The following COMMD10 variants were observed in gnomAD, a reference collection of about 807,000 sequenced individuals.
COMMD10 encodes COMM domain-containing protein 10.
COMMD10 carries 33 observed loss-of-function variants against 28.9 expected under a neutral mutation model. That is an observed-to-expected ratio of 1.14 (90% CI 0.87 to 1.53). COMMD10 has a LOEUF of 1.53. COMMD10 is among the 40% of genes most tolerant of loss of function. The pLI is 0.00. For synonymous variants in COMMD10, 110 were observed against 81.7 expected, an observed-to-expected ratio of 1.35 and a Z score of -1.87; for missense variants, 310 against 233.4, an observed-to-expected ratio of 1.33 and a Z score of -2.14.
chr5:116,119,752 C>T (rs1751362095), intron 4 of COMMD10, among the ~76,000 whole-genome samples: 1 of 152,020 alleles, frequency 6.6e-6, no homozygotes, highest in Non-Finnish European at 1.5e-5. Context: ...ACTAGGACTA[C>T]AGGTGTATGC....
intron 5 of COMMD10, among the ~76,000 whole-genome samples, chr5:116,142,734 T>C (rs1397941639): frequency 2.0e-5 from 3 of 151,762 alleles, no homozygotes; most frequent in Admixed American, 6.6e-5. Flanking sequence ...TGTATTACTT[T>C]AGTGCACAAA....
At chr5:116,221,392 C>G (rs1749251746) in intron 5 of COMMD10, among the ~76,000 whole-genome samples, 1 of 152,170 alleles carries the variant, frequency 6.6e-6, no homozygotes. Context: ...TTCTGTGTTA[C>G]AAACCCTGCT....
At chr5:116,267,159 C>A (rs1421447802) in intron 5 of COMMD10, among the ~76,000 whole-genome samples, 2 of 151,852 alleles carry the variant, frequency 1.3e-5, no homozygotes, top group South Asian at 4.1e-4. Context: ...GTCAAATGGT[C>A]CCTGTTTGCA....
At chr5:116,104,389 A>G (rs567000766) in intron 4 of COMMD10, among the ~76,000 whole-genome samples, 2 of 151,956 alleles carry the variant, frequency 1.3e-5, no homozygotes, top group Admixed American at 1.3e-4. Context: ...ATTCCTAGGT[A>G]TTGTATCCTT....
In COMMD10 at chr5:116,197,312, T is replaced by C. The variant is rs1183249794; in HGVS notation, c.510+63134T>C. Among the ~76,000 whole-genome samples, 4 of 152,184 alleles carry C rather than the reference T, an allele frequency of 2.6e-5. No homozygotes were observed. The East Asian group carries it at 7.7e-4, about 29-fold the overall frequency. On this transcript the variant is annotated intron_variant, in intron 5 of 6. Coordinates refer to ENST00000274458, the MANE Select transcript of COMMD10 (RefSeq NM_016144.4). ...TTTGCAAAATGTCATTGTATTAATA[T>C]TTTACGCAAACAATACATGAAATTA... is the stretch of plus-strand genomic sequence containing the variant.
intron 5 of COMMD10, among the ~76,000 whole-genome samples, chr5:116,150,937 G>A (rs1752503963): frequency 6.6e-6 from 1 of 151,834 alleles, no homozygotes; most frequent in African/African-American, 2.4e-5. Context: ...TCTTGTGCTA[G>A]TGTTCAAAGT....
intron 4 of COMMD10, among the ~76,000 whole-genome samples, chr5:116,104,857 G>A (rs1342922648): frequency 6.6e-6 from 1 of 152,196 alleles, no homozygotes; most frequent in African/African-American, 2.4e-5. Context: ...CTGACCTCGT[G>A]ATCCGTCCGC....
Position 116,246,647 on chromosome 5 carries a change from C to A in COMMD10, c.511-44870C>A, listed in dbSNP as rs529925997. 4.0e-5 allele frequency among the ~76,000 whole-genome samples: 6 copies of A among 151,808 alleles called. No homozygotes were observed. The East Asian group carries it at 1.2e-3, about 29-fold the overall frequency. On this transcript the variant is annotated intron_variant, in intron 5 of 6. Transcript: ENST00000274458. Reference sequence around the variant, plus strand: ...TATTAGTACAAAAAAAGACACATAGCCTAATGGAACAGAATAGAGAACCCA... The same window carrying A: ...TATTAGTACAAAAAAAGACACATAGACTAATGGAACAGAATAGAGAACCCA...
intron 5 of COMMD10, among the ~76,000 whole-genome samples, chr5:116,278,197 G>T (rs1434796444): frequency 6.6e-6 from 1 of 151,666 alleles, no homozygotes; most frequent in South Asian, 2.1e-4. Flanking sequence ...ATTGAGTACA[G>T]AAAAAGCTCC....
rs1751404336 is a variant in COMMD10, at chr5:116,292,756, T to C, written c.*267T>C. On this transcript the variant is annotated 3_prime_UTR_variant, in exon 7 of 7. Coordinates refer to ENST00000274458, the MANE Select transcript of COMMD10 (RefSeq NM_016144.4). ...GGAAACAAAAGTGAATACCATATTG[T>C]TTTTACTGTCATAGTGTTGCTTTCT... 1 of 410,654 alleles carries C rather than the reference T, an allele frequency of 2.4e-6. No individual in the cohort carries two copies. The highest frequency in any genetic ancestry group is 4.3e-6 in the Non-Finnish European group (1 of 232,960). 25.4% of individuals were successfully genotyped at this position (410,654 alleles called of 1,614,324 possible).
At chr5:116,134,837 G>T (rs1159567676) in intron 5 of COMMD10, among the ~76,000 whole-genome samples, 1 of 152,004 alleles carries the variant, frequency 6.6e-6, no homozygotes, top group African/African-American at 2.4e-5. Flanking sequence ...TAGCCAGGAT[G>T]GTCTCGATCC....
At chr5:116,124,043 A>C (rs2112756317) in intron 4 of COMMD10, among the ~76,000 whole-genome samples, 1 of 152,076 alleles carries the variant, frequency 6.6e-6, no homozygotes, top group South Asian at 2.1e-4. Flanking sequence ...GATGTTTTGA[A>C]GGGTTTTTTT....
rs528655830 is a variant in COMMD10, at chr5:116,086,797, G to A, written c.42-700G>A. 4.6e-5 allele frequency among the ~76,000 whole-genome samples: 7 copies of A among 152,104 alleles called. 1 individual carries two copies. The Middle Eastern group carries it at 0.014, about 296-fold the overall frequency. On this transcript the variant is annotated intron_variant, in intron 1 of 6. Transcript: ENST00000274458. ...GTTCAAGACCAGCCTGGGCAACAGGGCAAAACTCTGTCTCTACAAAAAATA... is the reference window on the plus strand; with the variant it reads ...GTTCAAGACCAGCCTGGGCAACAGGACAAAACTCTGTCTCTACAAAAAATA...
intron 5 of COMMD10, among the ~76,000 whole-genome samples, chr5:116,226,479 G>C (rs1267957098): frequency 7.4e-6 from 1 of 135,028 alleles, no homozygotes; most frequent in African/African-American, 2.7e-5. Flanking sequence ...CTCAGTTTCT[G>C]TTAATTACAT....
At chr5:116,184,511 T>C (rs1241562011) in intron 5 of COMMD10, among the ~76,000 whole-genome samples, 7 of 152,000 alleles carry the variant, frequency 4.6e-5, no homozygotes, top group African/African-American at 1.7e-4. Flanking sequence ...CCTTTCTGGG[T>C]TGATAATATT....
intron 5 of COMMD10, among the ~76,000 whole-genome samples, chr5:116,207,589 G>C (rs1748844984): frequency 6.6e-6 from 1 of 152,030 alleles, no homozygotes; most frequent in African/African-American, 2.4e-5. Flanking sequence ...GCAGTGGCAT[G>C]ATCTGGGCTC....
rs149814832 is a variant in COMMD10 at position 116,259,028 on chromosome 5, A to G, written c.511-32489A>G. Among the ~76,000 whole-genome samples, 17 of 147,570 alleles carry G rather than the reference A, an allele frequency of 1.2e-4. 1 individual carries two copies. The highest frequency in any genetic ancestry group is 3.8e-4 in the African/African-American group (15 of 39,788). On this transcript the variant is annotated intron_variant, in intron 5 of 6. Transcript: ENST00000274458. ...GAATAATCTTTTGTCTTTGTCTTCTATCTCAATAATTTTATCTTTAGCTAC... is the reference window on the plus strand; with the variant it reads ...GAATAATCTTTTGTCTTTGTCTTCTGTCTCAATAATTTTATCTTTAGCTAC...
chr5:116,109,340 T>C (rs1477448532), intron 4 of COMMD10, among the ~76,000 whole-genome samples: 3 of 152,170 alleles, frequency 2.0e-5, no homozygotes, highest in Non-Finnish European at 4.4e-5. Flanking sequence ...TTTCAGCACT[T>C]TGAGAGGCTG....
chr5:116,293,058 C>T lies in COMMD10; in HGVS notation c.*569C>T. The T allele has an allele frequency of 2.5e-6, 1 of 397,140 alleles. No homozygotes were observed. The highest frequency in any genetic ancestry group is 4.4e-6 in the Non-Finnish European group (1 of 225,148). The allele number at this position is 397,140 out of a possible 1,614,324, so 24.6% of individuals were successfully genotyped here. A position where few individuals can be genotyped will look rare whatever the true frequency, so the allele number is the denominator to read the frequency against. On this transcript the variant is annotated 3_prime_UTR_variant, in exon 7 of 7. Coordinates refer to ENST00000274458, the MANE Select transcript of COMMD10 (RefSeq NM_016144.4). ...CCAGTCTGAGCTTCTCTGTCAACTT[C>T]AGTTTCTCTCTCAGTTTAATGATTT... is the stretch of plus-strand genomic sequence containing the variant.
Sources: gnomAD v4.1 joint callset for allele counts (sites outside exome capture counted in the v4.1 genomes callset) on GRCh38, gnomAD v4.1.1 for gene constraint, MANE v1.5 for transcripts, NCBI Gene and HGNC (gene_info 2026-07-23, HGNC 2026-07-21) for gene names.